ZNF609: variants seen among roughly 807,000 people sequenced by gnomAD.
ZNF609 encodes the protein zinc finger protein 609.
Under a neutral mutation model 109.5 loss-of-function variants are expected in ZNF609, and 11 were observed. The observed-to-expected ratio is 0.10, with a 90% CI of 0.06 to 0.17. The LOEUF (loss-of-function observed/expected upper bound fraction) is 0.17, where lower values mean the gene tolerates loss of function less well. ZNF609 is among the 10% of genes least tolerant of loss of function. ZNF609 has a pLI of 1.00. For synonymous variants in ZNF609, 646 were observed against 662.0 expected (o/e 0.98, Z 0.37); for missense variants, 1,559 against 1,772.4 (o/e 0.88, Z 2.16).
intron 1 of ZNF609, among the ~76,000 whole-genome samples, chr15:64,488,914 A>AAAAG (rs3985670): frequency 1.3e-3 from 35 of 27,324 alleles, no homozygotes; most frequent in South Asian, 4.9e-3. Flanking sequence ...TTCTACAAAA[A>AAAAG]AAAGAAAGAA....
chr15:64,571,043 C>T (rs1219701773), intron 2 of ZNF609, among the ~76,000 whole-genome samples: 1 of 152,116 alleles, frequency 6.6e-6, no homozygotes, highest in Non-Finnish European at 1.5e-5. Context: ...ATAAATAAAG[C>T]ATATGATCTA....
intron 2 of ZNF609, among the ~76,000 whole-genome samples, chr15:64,589,092 A>G (rs1485474575): frequency 6.6e-6 from 1 of 152,238 alleles, no homozygotes; most frequent in Non-Finnish European, 1.5e-5. Flanking sequence ...GTTCCATTTT[A>G]GCTCTTCTGA....
intron 1 of ZNF609, chr15:64,471,310 G>A (rs1893087194): frequency 1.3e-5 from 2 of 151,856 alleles, no homozygotes; most frequent in South Asian, 2.1e-4. Context: ...GCAGTGAGCT[G>A]AGATTGCCCC....
At chr15:64,474,715 A>G (rs1437529556) in intron 1 of ZNF609, among the ~76,000 whole-genome samples, 5 of 152,212 alleles carry the variant, frequency 3.3e-5, no homozygotes, top group Non-Finnish European at 7.3e-5. Flanking sequence ...TGGGAGAGAC[A>G]ATTAATGAAT....
chr15:64,636,215 TACTC>T (rs1385847834), intron 3 of ZNF609, among the ~76,000 whole-genome samples: 1 of 152,206 alleles, frequency 6.6e-6, no homozygotes, highest in Non-Finnish European at 1.5e-5. Flanking sequence ...TAGGCCCTGC[TACTC>T]ACTAATTGCT....
chr15:64,593,322 T>C (rs1895335192), intron 2 of ZNF609: 2 of 1,341,294 alleles, frequency 1.5e-6, no homozygotes, highest in African/African-American at 1.4e-5. Context: ...CCAAAGCCCA[T>C]GTAAGGAGGT....
In ZNF609 at chr15:64,675,207, C is replaced by A; in HGVS notation, c.2353C>A (p.Leu785Met). The change falls in exon 5 of 10, where the codon CTG (leucine) becomes ATG (methionine). Residue 785 changes from leucine to methionine, a missense_variant. By Grantham distance (15) the Leu-to-Met change is conservative. Coordinates refer to ENST00000326648, the MANE Select transcript of ZNF609 (RefSeq NM_015042.2). ...CTCATCAGACCCCCACCAAAGCCGACTGGCTAGCATCAAGGCTGAAGCCGA... is the reference window on the plus strand; with the variant it reads ...CTCATCAGACCCCCACCAAAGCCGAATGGCTAGCATCAAGGCTGAAGCCGA... ...NGSSDPHQSR[L>M]ASIKAEADKI... 1 of 1,614,080 alleles carries A rather than the reference C, an allele frequency of 6.2e-7. No homozygotes were observed. Among genetic ancestry groups the A allele is most frequent in the Non-Finnish European group, 8.5e-7 (1 of 1,180,040 alleles).
chr15:64,511,153 T>C (rs1893721997), intron 2 of ZNF609, among the ~76,000 whole-genome samples: 1 of 151,860 alleles, frequency 6.6e-6, no homozygotes. Flanking sequence ...CAAACCTTAG[T>C]GAAAGACAAC....
chr15:64,663,375 C>A (rs1896606291), intron 3 of ZNF609, among the ~76,000 whole-genome samples: 1 of 152,112 alleles, frequency 6.6e-6, no homozygotes, highest in Non-Finnish European at 1.5e-5. Context: ...CATGCCATTA[C>A]CTCAGATAGG....
Position 64,492,207 on chromosome 15 carries a change from C to T in ZNF609, c.-127-7086C>T, listed in dbSNP as rs144778377. ...GCAGTGAGCCGAGATCACGCCACTG[C>T]ACTCCAGCCTGGGTGACAGAGTGAG... On this transcript the variant is annotated intron_variant, in intron 1 of 9. Coordinates refer to ENST00000326648, the MANE Select transcript of ZNF609 (RefSeq NM_015042.2). Among the ~76,000 whole-genome samples, 929 of 152,240 alleles carry T rather than the reference C, an allele frequency of 6.1e-3. 10 individuals carry two copies. The highest frequency in any genetic ancestry group is 0.021 in the African/African-American group (873 of 41,508).
At chr15:64,503,336 G>C (rs1024067568) in intron 2 of ZNF609, among the ~76,000 whole-genome samples, 1 of 152,174 alleles carries the variant, frequency 6.6e-6, no homozygotes, top group Non-Finnish European at 1.5e-5. Context: ...CAGCTGAAGA[G>C]ATGGGGGAGG....
At chr15:64,666,074 CAA>C (rs35347624) in intron 3 of ZNF609, among the ~76,000 whole-genome samples, 3 of 134,412 alleles carry the variant, frequency 2.2e-5, no homozygotes, top group Non-Finnish European at 3.1e-5. Flanking sequence ...GACTTCGTCT[CAA>C]AAAAAAAAAA....
intron 1 of ZNF609, among the ~76,000 whole-genome samples, chr15:64,472,018 C>A (rs1171634990): frequency 6.6e-6 from 1 of 152,148 alleles, no homozygotes; most frequent in African/African-American, 2.4e-5. Flanking sequence ...TCAAGTGATT[C>A]TCCTGCCTCA....
intron 2 of ZNF609, among the ~76,000 whole-genome samples, chr15:64,517,042 TA>T (rs1893822484): frequency 6.6e-6 from 1 of 152,230 alleles, no homozygotes; most frequent in African/African-American, 2.4e-5. Context: ...TTGCGAGTTT[TA>T]AGCTTCTTGC....
chr15:64,527,348 C>T (rs1364228101), intron 2 of ZNF609, among the ~76,000 whole-genome samples: 1 of 147,602 alleles, frequency 6.8e-6, no homozygotes, highest in Non-Finnish European at 1.5e-5. Context: ...AGGTGATGGG[C>T]ATATTTGATT....
chr15:64,541,913 A>T (rs933745705), intron 2 of ZNF609, among the ~76,000 whole-genome samples: 1 of 150,892 alleles, frequency 6.6e-6, no homozygotes, highest in African/African-American at 2.4e-5. Flanking sequence ...CTATTTACTT[A>T]ACTGAAACTT....
At chr15:64,595,370 A>AG (rs1895377082) in intron 2 of ZNF609, among the ~76,000 whole-genome samples, 1 of 151,908 alleles carries the variant, frequency 6.6e-6, no homozygotes, top group East Asian at 1.9e-4. Context: ...CAAAAAAAAA[A>AG]AAAAAAAAAT....
At chr15:64,661,937 T>C (rs1595756281) in intron 3 of ZNF609, among the ~76,000 whole-genome samples, 1 of 152,116 alleles carries the variant, frequency 6.6e-6, no homozygotes, top group East Asian at 1.9e-4. Context: ...AACATAGTTG[T>C]CTAAAACAAT....
chr15:64,520,268 T>C (rs570171622), intron 2 of ZNF609, among the ~76,000 whole-genome samples: 7 of 152,314 alleles, frequency 4.6e-5, no homozygotes, highest in Admixed American at 3.9e-4. Context: ...CAGTTTATTG[T>C]AGGATGTTTC....
Sources: gnomAD v4.1 joint callset for allele counts (sites outside exome capture counted in the v4.1 genomes callset) on GRCh38, gnomAD v4.1.1 for gene constraint, MANE v1.5 for transcripts, NCBI Gene and HGNC (gene_info 2026-07-23, HGNC 2026-07-21) for gene names.